Variants in OPCML observed in about 807,000 individuals in gnomAD.
The protein encoded by OPCML is opioid-binding protein/cell adhesion molecule.
In OPCML, 13 loss-of-function variants were observed where a neutral mutation model predicts 37.8. That is an observed-to-expected ratio of 0.34 (90% CI 0.22 to 0.55). The LOEUF (loss-of-function observed/expected upper bound fraction) is 0.55, where lower values mean the gene tolerates loss of function less well. Ranked by LOEUF, OPCML falls within the 20% of genes least tolerant of loss-of-function variation. The pLI, the probability that OPCML is intolerant of heterozygous loss-of-function variation, is 0.91. For synonymous variants in OPCML, 176 were observed against 168.8 expected (o/e 1.04, Z -0.33); for missense variants, 341 against 435.6 (o/e 0.78, Z 1.93).
chr11:132,755,093 A>T (rs1945990916), intron 2 of OPCML, among the ~76,000 whole-genome samples: 1 of 152,220 alleles, frequency 6.6e-6, no homozygotes, highest in Non-Finnish European at 1.5e-5. Flanking sequence ...AGATTGAACC[A>T]TAGAAAACTA....
At chr11:132,734,763 A>T (rs77262859) in intron 2 of OPCML, among the ~76,000 whole-genome samples, 8,186 of 152,298 alleles carry the variant, frequency 0.054, 631 homozygotes, top group African/African-American at 0.17. Flanking sequence ...GACTGTAAAA[A>T]CGTAAAGTAC....
intron 7 of OPCML, among the ~76,000 whole-genome samples, chr11:132,432,854 G>C (rs1342510389): frequency 6.6e-6 from 1 of 152,232 alleles, no homozygotes; most frequent in African/African-American, 2.4e-5. Context: ...GAATCTATCT[G>C]TTGAGTCACT....
At chr11:132,903,296 G>A (rs1420129254) in intron 2 of OPCML, among the ~76,000 whole-genome samples, 1 of 152,176 alleles carries the variant, frequency 6.6e-6, no homozygotes, top group Non-Finnish European at 1.5e-5. Flanking sequence ...AGGACAGGAG[G>A]TTGTTTTATA....
intron 1 of OPCML, among the ~76,000 whole-genome samples, chr11:133,153,982 G>A (rs1031319553): frequency 6.6e-6 from 1 of 151,572 alleles, no homozygotes; most frequent in African/African-American, 2.4e-5. Flanking sequence ...CTTTTTGGTT[G>A]GAGGACCCTG....
intron 2 of OPCML, among the ~76,000 whole-genome samples, chr11:132,930,118 C>G (rs555122350): frequency 6.6e-6 from 1 of 152,236 alleles, no homozygotes; most frequent in South Asian, 2.1e-4. Context: ...AATCCCAGTA[C>G]TATGGGATCC....
At chr11:133,043,002 A>C (rs771047477) in intron 1 of OPCML, among the ~76,000 whole-genome samples, 8 of 152,152 alleles carry the variant, frequency 5.3e-5, no homozygotes, top group Non-Finnish European at 1.2e-4. Context: ...ACACTTGCAG[A>C]CACCCAGCAA....
At chr11:133,115,894 T>A (rs538960475) in intron 1 of OPCML, among the ~76,000 whole-genome samples, 24 of 152,182 alleles carry the variant, frequency 1.6e-4, no homozygotes, top group African/African-American at 5.8e-4. Flanking sequence ...TCATTGAGAA[T>A]AAATTTGAGC....
At chr11:132,826,853 A>G (rs867254631) in intron 2 of OPCML, among the ~76,000 whole-genome samples, 30 of 152,342 alleles carry the variant, frequency 2.0e-4, no homozygotes, top group African/African-American at 7.0e-4. Context: ...ATACACACAA[A>G]GAGTATTTAT....
intron 1 of OPCML, among the ~76,000 whole-genome samples, chr11:133,102,924 C>A (rs1054164319): frequency 6.6e-6 from 1 of 152,104 alleles, no homozygotes; most frequent in African/African-American, 2.4e-5. Context: ...GCCCTAGGAA[C>A]TGTATCAGGT....
At chr11:132,700,819 A>G (rs1943779989) in intron 2 of OPCML, among the ~76,000 whole-genome samples, 1 of 152,138 alleles carries the variant, frequency 6.6e-6, no homozygotes. Context: ...CAGCGTTGTT[A>G]AAGTGCATAT....
chr11:132,767,944 C>T (rs58233890), intron 2 of OPCML, among the ~76,000 whole-genome samples: 5,328 of 152,190 alleles, frequency 0.035, 174 homozygotes, highest in African/African-American at 0.088. Flanking sequence ...TCATGCTCGA[C>T]TTTAAAGAAA....
chr11:133,428,402 A>G (rs1438312321), intron 1 of OPCML, among the ~76,000 whole-genome samples: 1 of 152,216 alleles, frequency 6.6e-6, no homozygotes. Context: ...AGCATGATGA[A>G]AAGGGGATAG....
chr11:133,028,894 C>CA (rs56272022), intron 1 of OPCML, among the ~76,000 whole-genome samples: 1,849 of 140,160 alleles, frequency 0.013, 16 homozygotes, highest in Middle Eastern at 0.026. Context: ...CTGCACACAG[C>CA]AAAAAAAAAA....
intron 2 of OPCML, among the ~76,000 whole-genome samples, chr11:132,707,934 T>C (rs1341176864): frequency 6.6e-6 from 1 of 152,114 alleles, no homozygotes; most frequent in Non-Finnish European, 1.5e-5. Context: ...TTCTCTCAAA[T>C]GGAAAAAGAG....
chr11:132,958,325 A>G (rs1946013484), intron 1 of OPCML, among the ~76,000 whole-genome samples: 1 of 152,374 alleles, frequency 6.6e-6, no homozygotes, highest in East Asian at 1.9e-4. Context: ...AAGCTGCAGA[A>G]GAAATGTTTG....
At chr11:132,472,821 A>G (rs1322383384) in intron 4 of OPCML, among the ~76,000 whole-genome samples, 1 of 152,212 alleles carries the variant, frequency 6.6e-6, no homozygotes, top group Admixed American at 6.5e-5. Context: ...TGGCATTTGT[A>G]TCTTTCTCAC....
At chr11:133,531,581 G>C (rs998335300) in intron 1 of OPCML, among the ~76,000 whole-genome samples, 18 of 152,136 alleles carry the variant, frequency 1.2e-4, no homozygotes, top group African/African-American at 4.3e-4. Flanking sequence ...GATAAAGAAA[G>C]GACGGCAGGC....
At chr11:133,476,864 A>G (rs142004336) in intron 1 of OPCML, among the ~76,000 whole-genome samples, 2,102 of 152,310 alleles carry the variant, frequency 0.014, 60 homozygotes, top group African/African-American at 0.048. Flanking sequence ...CCTCCCAGGA[A>G]CCTGTCTAAA....
At chr11:133,364,254 T>C (rs528052035) in intron 1 of OPCML, among the ~76,000 whole-genome samples, 35 of 152,342 alleles carry the variant, frequency 2.3e-4, no homozygotes, top group African/African-American at 7.9e-4. Flanking sequence ...AAACCACCTA[T>C]ACTACCAGCT....
Sources: gnomAD v4.1 joint callset for allele counts (sites outside exome capture counted in the v4.1 genomes callset) on GRCh38, gnomAD v4.1.1 for gene constraint, MANE v1.5 for transcripts, NCBI Gene and HGNC (gene_info 2026-07-23, HGNC 2026-07-21) for gene names.